The following LRRTM3 variants were observed in gnomAD, a reference collection of about 807,000 sequenced individuals.
The protein encoded by LRRTM3 is leucine-rich repeat transmembrane neuronal protein 3.
A neutral mutation model predicts 44.7 loss-of-function variants in LRRTM3; 24 were observed. The observed-to-expected ratio is 0.54, with a 90% CI of 0.39 to 0.76. LRRTM3 has a LOEUF of 0.76. Among genes scored for constraint, LRRTM3 ranks in the 30% least tolerant of loss-of-function variants. LRRTM3 has a pLI of 0.00. For synonymous variants in LRRTM3, 277 were observed against 278.7 expected, an observed-to-expected ratio of 0.99 and a Z score of 0.06; for missense variants, 587 against 702.2, an observed-to-expected ratio of 0.84 and a Z score of 1.85.
intron 2 of LRRTM3, among the ~76,000 whole-genome samples, chr10:66,983,987 G>T (rs374955923): frequency 6.6e-6 from 1 of 152,138 alleles, no homozygotes; most frequent in African/African-American, 2.4e-5. Context: ...TTTTATAGTT[G>T]ATGATAATCG....
At chr10:66,946,361 A>G (rs1002030241) in intron 2 of LRRTM3, among the ~76,000 whole-genome samples, 3 of 152,184 alleles carry the variant, frequency 2.0e-5, no homozygotes, top group African/African-American at 7.2e-5. Context: ...TTAATATGTG[A>G]GAGACATTTG....
At position 66,952,294 on chromosome 10, in the gene LRRTM3, C is replaced by T. The variant is rs117122351; in HGVS notation, c.1536+23842C>T. 2.3e-3 allele frequency among the ~76,000 whole-genome samples: 345 copies of T among 152,248 alleles called. 1 individual carries two copies. The highest frequency in any genetic ancestry group is 5.6e-3 in the Admixed American group (85 of 15,284). On this transcript the variant is annotated intron_variant, in intron 2 of 2. Coordinates refer to ENST00000361320, the MANE Select transcript of LRRTM3 (RefSeq NM_178011.5). ...CCAGATGCATACAAAAGTTCTGAGG[C>T]TTTGAAAAGAGACAGATGTCACTTT...
intron 2 of LRRTM3, among the ~76,000 whole-genome samples, chr10:66,995,610 C>A (rs1851283429): frequency 6.6e-6 from 1 of 152,142 alleles, no homozygotes; most frequent in Admixed American, 6.5e-5. Flanking sequence ...CTCTTGTCTA[C>A]ATCTCTATAT....
intron 2 of LRRTM3, among the ~76,000 whole-genome samples, chr10:66,996,649 CA>C (rs57025097): frequency 0.2 from 13,141 of 65,268 alleles, 238 homozygotes; most frequent in Middle Eastern, 0.32. Context: ...TCCGTCTCTA[CA>C]AAAAAAAAAA....
At chr10:66,975,090 A>G (rs1849956034) in intron 2 of LRRTM3, among the ~76,000 whole-genome samples, 1 of 152,142 alleles carries the variant, frequency 6.6e-6, no homozygotes, top group Admixed American at 6.5e-5. Context: ...GCTGACCAAA[A>G]GGGTCATTCT....
rs541852342 is a variant in LRRTM3 at position 66,941,991 on chromosome 10, T to G, written c.1536+13539T>G. On this transcript the variant is annotated intron_variant, in intron 2 of 2. Transcript: ENST00000361320. ...GGGAGATCGTAGACTTCGAATCCAC[T>G]AGACCTGAAGTTAAATAAACCTGGG... Among the ~76,000 whole-genome samples, 7 of 152,290 alleles carry G rather than the reference T, an allele frequency of 4.6e-5. 1 individual carries two copies. The highest frequency in any genetic ancestry group is 1.7e-4 in the African/African-American group (7 of 41,548).
At chr10:67,048,225 G>GA (rs1854871013) in intron 2 of LRRTM3, among the ~76,000 whole-genome samples, 1 of 152,002 alleles carries the variant, frequency 6.6e-6, no homozygotes, top group Non-Finnish European at 1.5e-5. Flanking sequence ...CCCTACTCAT[G>GA]AAAAATCATT....
intron 2 of LRRTM3, among the ~76,000 whole-genome samples, chr10:66,937,125 T>C (rs1847752059): frequency 6.6e-6 from 1 of 152,080 alleles, no homozygotes; most frequent in African/African-American, 2.4e-5. Flanking sequence ...TACAAAGTCT[T>C]TCTCCTTAAA....
At chr10:66,960,036 T>C (rs1849031309) in intron 2 of LRRTM3, among the ~76,000 whole-genome samples, 1 of 152,128 alleles carries the variant, frequency 6.6e-6, no homozygotes, top group African/African-American at 2.4e-5. Flanking sequence ...AAGCCAGGTA[T>C]GTAAGTTTCC....
chr10:67,078,512 C>CTTTT (rs11396357), intron 2 of LRRTM3, among the ~76,000 whole-genome samples: 2 of 151,128 alleles, frequency 1.3e-5, no homozygotes, highest in African/African-American at 4.9e-5. Context: ...TTTCTGATAC[C>CTTTT]TTTTTTATTA....
intron 2 of LRRTM3, among the ~76,000 whole-genome samples, chr10:67,077,420 C>A (rs892823526): frequency 1.3e-5 from 2 of 152,156 alleles, no homozygotes; most frequent in African/African-American, 4.8e-5. Flanking sequence ...TCCCACCTGA[C>A]CCAGTCCCTT....
rs897508377 is a variant in LRRTM3, at chr10:67,015,757, A to G, written c.1537-81830A>G. 7.2e-5 allele frequency among the ~76,000 whole-genome samples: 11 copies of G among 151,850 alleles called. No homozygotes were observed. The East Asian group carries it at 1.9e-3, about 27-fold the overall frequency. On this transcript the variant is annotated intron_variant, in intron 2 of 2. Transcript: ENST00000361320. ...ATTGATTCATTTTTTTCTGTTCCCT[A>G]TTCTTAGGATCACCAATTACGTACA...
chr10:67,020,334 CA>C (rs1852926856), intron 2 of LRRTM3, among the ~76,000 whole-genome samples: 1 of 152,248 alleles, frequency 6.6e-6, no homozygotes, highest in Admixed American at 6.5e-5. Context: ...ATTAAGAGCA[CA>C]AGGGCTTCTT....
chr10:66,928,379 C>T lies in LRRTM3; in HGVS notation c.1463C>T (p.Thr488Met). 1 of 1,614,168 alleles carries T rather than the reference C, an allele frequency of 6.2e-7. No homozygotes were observed. The highest frequency in any genetic ancestry group is 8.5e-7 in the Non-Finnish European group (1 of 1,180,026). Reference sequence around the variant, plus strand: ...TATGTAGATTATAAACCCACCAACACGGAGACCAGCGAGATGCTGCTGAAT... The same window carrying T: ...TATGTAGATTATAAACCCACCAACATGGAGACCAGCGAGATGCTGCTGAAT... ...EFYVDYKPTN[T>M]ETSEMLLNGT... The change falls in exon 2 of 3, where the codon ACG becomes ATG. Residue 488 changes from threonine (T) to methionine (M), a missense_variant. Around this residue, in one of 3 missense-constraint regions of LRRTM3, gnomAD observed 315 missense variants for 335.6 expected, o/e 0.94. Transcript: ENST00000361320.
intron 2 of LRRTM3, among the ~76,000 whole-genome samples, chr10:67,007,283 A>C (rs977206970): frequency 6.6e-6 from 1 of 152,164 alleles, no homozygotes. Context: ...AGGAATTAAC[A>C]AATTGGCTCT....
chr10:66,976,611 T>C (rs537801846), intron 2 of LRRTM3, among the ~76,000 whole-genome samples: 1 of 152,330 alleles, frequency 6.6e-6, no homozygotes, highest in South Asian at 2.1e-4. Context: ...ATTCCCAAGT[T>C]TGGCATTTTT....
rs749060419 is a variant in LRRTM3 at position 66,927,501 on chromosome 10, T to G, written c.585T>G (p.Ser195Arg). The G allele has an allele frequency of 8.7e-6, 14 of 1,613,992 alleles. No homozygotes were observed. The highest frequency in any genetic ancestry group is 1.1e-5 in the Non-Finnish European group (13 of 1,180,038). Residue 195 changes from serine to arginine, a missense_variant, in exon 2 of 3, where the codon AGT becomes AGG. Ser to Arg is a moderately radical substitution (Grantham distance 110). Around this residue, in one of 3 missense-constraint regions of LRRTM3, gnomAD observed 222 missense variants for 323.3 expected, o/e 0.69. Transcript: ENST00000361320. The surrounding 1 kb of genome is among the most constrained non-coding windows in gnomAD (Gnocchi z 4.7). ...ACCTGGGATATAACCGGATCCGAAG[T>G]TTAGCCAGGAATGTCTTTGCTGGCA... ...LLDLGYNRIR[S>R]LARNVFAGMI... is the part of the protein sequence containing the mutation.
chr10:66,972,069 C>T (rs1327606254), intron 2 of LRRTM3, among the ~76,000 whole-genome samples: 3 of 152,160 alleles, frequency 2.0e-5, no homozygotes, highest in African/African-American at 7.2e-5. Flanking sequence ...TTGAACTCTA[C>T]ACTCCACTGA....
chr10:67,069,657 A>G (rs1335738618), intron 2 of LRRTM3, among the ~76,000 whole-genome samples: 2 of 146,204 alleles, frequency 1.4e-5, no homozygotes, highest in Non-Finnish European at 3.0e-5. Flanking sequence ...TGAAATGTCT[A>G]TAAGTAGAAT....
Sources: gnomAD v4.1 joint callset for allele counts (sites outside exome capture counted in the v4.1 genomes callset) on GRCh38, gnomAD v4.1.1 for gene constraint, gnomAD v4.1.1 regional missense constraint, Gnocchi (gnomAD v3.1) non-coding constraint, MANE v1.5 for transcripts, NCBI Gene and HGNC (gene_info 2026-07-23, HGNC 2026-07-21) for gene names.